Variants in PREP observed in about 807,000 individuals in gnomAD.
PREP encodes dJ355L5.1 (prolyl endopeptidase).
In PREP, 29 loss-of-function variants were observed where a neutral mutation model predicts 87.6. That is an observed-to-expected ratio of 0.33 (90% confidence interval 0.25 to 0.45). The LOEUF is 0.45. Among genes scored for constraint, PREP ranks in the 20% least tolerant of loss-of-function variants. The pLI is 1.00. For missense variants in PREP, 695 were observed against 886.5 expected (o/e 0.78, Z 2.74); for synonymous variants, 337 against 328.6 (o/e 1.03, Z -0.28).
intron 5 of PREP, among the ~76,000 whole-genome samples, chr6:105,372,270 G>C (rs1242928452): frequency 6.6e-6 from 1 of 152,026 alleles, no homozygotes; most frequent in African/African-American, 2.4e-5. Flanking sequence ...AACAAGTCAT[G>C]ATAAGGGGAC....
chr6:105,328,477 A>G (rs1441502624), intron 9 of PREP, among the ~76,000 whole-genome samples: 10 of 152,110 alleles, frequency 6.6e-5, no homozygotes, highest in Admixed American at 6.5e-4. Flanking sequence ...GATGGTCTCA[A>G]TCTCTTGACC....
At chr6:105,338,441 T>C (rs1476830833) in intron 7 of PREP, among the ~76,000 whole-genome samples, 2 of 152,206 alleles carry the variant, frequency 1.3e-5, no homozygotes, top group East Asian at 1.9e-4. Flanking sequence ...GACAGCCGAA[T>C]AGGAACAGCT....
intron 10 of PREP, among the ~76,000 whole-genome samples, chr6:105,289,754 A>G (rs926831730): frequency 2.0e-5 from 3 of 152,170 alleles, no homozygotes; most frequent in African/African-American, 4.8e-5. Flanking sequence ...TTGTGTAAAC[A>G]TGGTGTTTTT....
chr6:105,386,917 A>T (rs893761113), intron 2 of PREP, among the ~76,000 whole-genome samples: 5 of 152,176 alleles, frequency 3.3e-5, no homozygotes. Context: ...TGGTGGGGGA[A>T]AAAAAGAAGC....
At chr6:105,336,789 T>A (rs985134672) in intron 7 of PREP, among the ~76,000 whole-genome samples, 1 of 152,132 alleles carries the variant, frequency 6.6e-6, no homozygotes, top group Admixed American at 6.5e-5. Flanking sequence ...TTGGAAAGAG[T>A]CTGCTCTTTC....
chr6:105,323,733 G>C lies in PREP; in HGVS notation c.1249C>G (p.Leu417Val). ...IYHCDLTKEE[L>V]EPRVFREVTV... ...ACCTCTCGGAAAACTCTTGGCTCCAGCTCCTCTTTGGTAAGATCACAGTGA... is the reference window on the plus strand; with the variant it reads ...ACCTCTCGGAAAACTCTTGGCTCCACCTCCTCTTTGGTAAGATCACAGTGA... The change falls in exon 10 of 15, where the codon CTG (leucine) becomes GTG (valine). Residue 417 changes from leucine to valine, a missense_variant. Leu to Val is a conservative substitution (Grantham distance 32). This residue lies in a region of PREP where 517 missense variants were observed against 620.3 expected (regional missense o/e 0.83). Coordinates refer to ENST00000652536, the MANE Select transcript of PREP (RefSeq NM_002726.5). 6 of 1,613,746 alleles carry C rather than the reference G, an allele frequency of 3.7e-6. No homozygotes were observed. In the African/African-American group the frequency reaches 6.7e-5, roughly 18 times the overall value.
intron 2 of PREP, among the ~76,000 whole-genome samples, chr6:105,379,433 G>A (rs570093790): frequency 5.1e-4 from 78 of 152,252 alleles, no homozygotes; most frequent in African/African-American, 1.9e-3. Context: ...AACCACCCAG[G>A]GGAGCATTTT....
At position 105,276,504 on chromosome 6, in the gene PREP, T is replaced by C. The variant is rs946438110; in HGVS notation, c.*1640A>G. The stretch of plus-strand genomic sequence containing the variant: ...AAAGAGGCTGCCTCTGGCTTGACCA[T>C]GCAAATGTATTTTCTTTCTTTCCTG... On this transcript the variant is annotated 3_prime_UTR_variant, in exon 15 of 15. Coordinates refer to ENST00000652536, the MANE Select transcript of PREP (RefSeq NM_002726.5). 1.7e-4 allele frequency among the ~76,000 whole-genome samples: 26 copies of C among 152,224 alleles called. No individual in the cohort carries two copies. Among genetic ancestry groups the C allele is most frequent in the African/African-American group, 5.5e-4 (23 of 41,456 alleles).
At chr6:105,324,326 T>TAG (rs1228464036) in intron 9 of PREP, among the ~76,000 whole-genome samples, 1 of 152,134 alleles carries the variant, frequency 6.6e-6, no homozygotes, top group Non-Finnish European at 1.5e-5. Context: ...AGATGATCAG[T>TAG]AGATATTTCA....
chr6:105,353,150 G>T, intron 6 of PREP, 73 bp from the exon 7 acceptor site: 1 of 1,246,294 alleles, frequency 8.0e-7, no homozygotes, highest in Non-Finnish European at 1.1e-6. Context: ...TGAATATTAA[G>T]TTAAAAAATT....
intron 10 of PREP, among the ~76,000 whole-genome samples, chr6:105,290,789 T>C (rs1306358283): frequency 6.6e-6 from 1 of 152,216 alleles, no homozygotes; most frequent in African/African-American, 2.4e-5. Context: ...GTTGCAGAAA[T>C]ATATCCAAGC....
Position 105,276,711 on chromosome 6 carries a change from A to G in PREP, c.*1433T>C, listed in dbSNP as rs1319937870. 2.6e-5 allele frequency among the ~76,000 whole-genome samples: 4 copies of G among 152,220 alleles called. No homozygotes were observed. Among genetic ancestry groups the G allele is most frequent in the Non-Finnish European group, 5.9e-5 (4 of 68,036 alleles). On this transcript the variant is annotated 3_prime_UTR_variant, in exon 15 of 15. Transcript: ENST00000652536. ...ACCGTACTAAATAGTAACGGAAAAC[A>G]TGATTCCAGTAGAGAAAAACCAAGC...
At chr6:105,394,694 A>T (rs1278365625) in intron 2 of PREP, among the ~76,000 whole-genome samples, 1 of 152,180 alleles carries the variant, frequency 6.6e-6, no homozygotes, top group East Asian at 1.9e-4. Context: ...AGTCCCAGCT[A>T]CTTGGGAGGC....
Position 105,282,504 on chromosome 6 carries a change from G to A in PREP, c.1628C>T (p.Thr543Ile). The change falls in exon 13 of 15, where the codon ACA becomes ATA. Residue 543 changes from threonine (T) to isoleucine (I), a missense_variant. By Grantham distance (89) the Thr-to-Ile change is moderately conservative (BLOSUM62 -1). Coordinates refer to ENST00000652536, the MANE Select transcript of PREP (RefSeq NM_002726.5). ...AAEYLIKEGY[T>I]SPKRLTINGG... is the part of the protein sequence containing the mutation. ...ATTAATAGTCAGCCTCTTGGGAGAT[G>A]TGTAACCTTCCTTGATCAGATACTC... 14 of 1,614,152 alleles carry A rather than the reference G, an allele frequency of 8.7e-6. No homozygotes were observed. The highest frequency in any genetic ancestry group is 1.2e-5 in the Non-Finnish European group (14 of 1,180,018).
At chr6:105,286,388 A>G (rs1244038759) in intron 11 of PREP, among the ~76,000 whole-genome samples, 1 of 152,196 alleles carries the variant, frequency 6.6e-6, no homozygotes, top group Non-Finnish European at 1.5e-5. Flanking sequence ...GAGGTAAAGG[A>G]GATCAGGAAT....
intron 14 of PREP, chr6:105,280,880 T>G (rs558076986): frequency 1.3e-5 from 2 of 152,300 alleles, no homozygotes; most frequent in Non-Finnish European, 2.9e-5. Flanking sequence ...CCCCTTCCCC[T>G]ACTCTTGACC....
intron 12 of PREP, among the ~76,000 whole-genome samples, chr6:105,283,020 G>A (rs530857502): frequency 8.2e-4 from 125 of 152,314 alleles, no homozygotes; most frequent in Non-Finnish European, 1.5e-3. Flanking sequence ...GGGAGTGCTC[G>A]TGTCTCCCCT....
intron 9 of PREP, among the ~76,000 whole-genome samples, chr6:105,325,646 T>G (rs1031211182): frequency 6.6e-6 from 1 of 152,206 alleles, no homozygotes; most frequent in Non-Finnish European, 1.5e-5. Context: ...ATCGATACTT[T>G]CTGTTTATAG....
intron 14 of PREP, chr6:105,279,217 T>C (rs1200369912): frequency 6.6e-6 from 1 of 152,228 alleles, no homozygotes; most frequent in Non-Finnish European, 1.5e-5. Context: ...TTAATATTTA[T>C]TAATGAATAA....
Sources: allele counts gnomAD v4.1 joint callset (sites outside exome capture counted in the v4.1 genomes callset), GRCh38; gene constraint gnomAD v4.1.1; regional missense constraint gnomAD v4.1.1; transcripts MANE v1.5; gene names NCBI Gene and HGNC (gene_info 2026-07-23, HGNC 2026-07-21).